The following AFG2A variants were observed in gnomAD, a reference collection of about 807,000 sequenced individuals.
AFG2A encodes AAA ATPase AFG2A.
chr4:123,076,691 AT>A, the AFG2A span, among the ~76,000 whole-genome samples: 1 of 151,672 alleles, frequency 6.6e-6, no homozygotes, highest in African/African-American at 2.4e-5. Context: ...TGGGTTAGGG[AT>A]TTTTTTCCCC....
chr4:123,116,277 A>G, the AFG2A span, among the ~76,000 whole-genome samples: 1 of 152,232 alleles, frequency 6.6e-6, no homozygotes, highest in East Asian at 1.9e-4. Flanking sequence ...AACAACAGAA[A>G]GCCTCAAAAG....
chr4:122,962,782 C>T, the AFG2A span, among the ~76,000 whole-genome samples: 1 of 152,150 alleles, frequency 6.6e-6, no homozygotes, highest in African/African-American at 2.4e-5. Flanking sequence ...CCTGTCAGCT[C>T]TGTTTTCATA....
the AFG2A span, among the ~76,000 whole-genome samples, chr4:123,149,568 A>G: frequency 6.6e-6 from 1 of 152,224 alleles, no homozygotes; most frequent in Non-Finnish European, 1.5e-5. Context: ...ATGCATGTAC[A>G]TCAGAATATG....
chr4:123,111,132 G>T, the AFG2A span, among the ~76,000 whole-genome samples: 1 of 152,114 alleles, frequency 6.6e-6, no homozygotes, highest in Admixed American at 6.5e-5. Flanking sequence ...TTTTGAAGTT[G>T]AAGCCATTGC....
the AFG2A span, among the ~76,000 whole-genome samples, chr4:123,138,807 A>G: frequency 1.3e-5 from 2 of 152,188 alleles, no homozygotes; most frequent in East Asian, 1.9e-4. Context: ...CATACTTTAT[A>G]CTATTAGTGA....
chr4:123,181,596 C>A, the AFG2A span, among the ~76,000 whole-genome samples: 1 of 151,918 alleles, frequency 6.6e-6, no homozygotes, highest in East Asian at 1.9e-4. Context: ...GAGAGTCAGA[C>A]CCTGTCTCAA....
chr4:123,242,562 C>A, the AFG2A span, among the ~76,000 whole-genome samples: 85,027 of 152,042 alleles, frequency 0.56, 26,260 homozygotes, highest in Non-Finnish European at 0.67. Context: ...AAAGCTGAAA[C>A]TGGATCCCTT....
chr4:123,104,559 GC>G, the AFG2A span, among the ~76,000 whole-genome samples: 1 of 152,186 alleles, frequency 6.6e-6, no homozygotes, highest in Non-Finnish European at 1.5e-5. Context: ...GCTGAGAGAG[GC>G]CAAAAGCTAG....
At chr4:123,161,753 A>G in the AFG2A span, among the ~76,000 whole-genome samples, 22 of 152,334 alleles carry the variant, frequency 1.4e-4, 1 homozygote, top group South Asian at 3.5e-3. Context: ...AAGAAACAGA[A>G]ACTGTAGGCC....
the AFG2A span, among the ~76,000 whole-genome samples, chr4:123,239,844 G>A: frequency 6.6e-6 from 1 of 152,184 alleles, no homozygotes; most frequent in Non-Finnish European, 1.5e-5. Flanking sequence ...AACCTTAAAT[G>A]TAAATGGGCT....
At chr4:123,268,049 T>C in the AFG2A span, among the ~76,000 whole-genome samples, 2 of 152,070 alleles carry the variant, frequency 1.3e-5, no homozygotes, top group South Asian at 4.1e-4. Flanking sequence ...ATATAATTTA[T>C]GTTTATATTA....
At chr4:123,005,166 T>C in the AFG2A span, among the ~76,000 whole-genome samples, 1 of 152,208 alleles carries the variant, frequency 6.6e-6, no homozygotes, top group Non-Finnish European at 1.5e-5. Flanking sequence ...TCTTTTTTTT[T>C]CTGAGACAGA....
At chr4:123,077,869 A>G in the AFG2A span, among the ~76,000 whole-genome samples, 2 of 152,254 alleles carry the variant, frequency 1.3e-5, no homozygotes, top group African/African-American at 4.8e-5. Context: ...TTATGCAGCC[A>G]TCACCACTAA....
At chr4:123,090,538 G>T in the AFG2A span, 1 of 1,607,458 alleles carries the variant, frequency 6.2e-7, no homozygotes, top group Non-Finnish European at 8.5e-7. Context: ...AGTATTTGAA[G>T]ATAAGTAAAG....
the AFG2A span, chr4:122,934,732 A>T: frequency 1.3e-6 from 2 of 1,565,010 alleles, no homozygotes; most frequent in South Asian, 1.2e-5. Flanking sequence ...GCTTTTCAAG[A>T]GTTATGGTAT....
At chr4:123,180,175 A>G in the AFG2A span, among the ~76,000 whole-genome samples, 2 of 152,176 alleles carry the variant, frequency 1.3e-5, no homozygotes, top group Non-Finnish European at 2.9e-5. Context: ...AGCCACGATC[A>G]TGCCACTGCA....
chr4:123,154,430 G>A, the AFG2A span, among the ~76,000 whole-genome samples: 1 of 152,132 alleles, frequency 6.6e-6, no homozygotes, highest in Non-Finnish European at 1.5e-5. Context: ...GTTTAAAGTA[G>A]CAGAGTACAG....
chr4:123,007,439 G>GT, the AFG2A span, among the ~76,000 whole-genome samples: 2 of 151,066 alleles, frequency 1.3e-5, no homozygotes, highest in African/African-American at 2.4e-5. Context: ...CACACACAGG[G>GT]TTTTCTCTTT....
the AFG2A span, among the ~76,000 whole-genome samples, chr4:123,204,699 C>G: frequency 6.6e-6 from 1 of 152,160 alleles, no homozygotes; most frequent in Non-Finnish European, 1.5e-5. Context: ...ATGCCACATG[C>G]TACAGTCATG....
Sources: gnomAD v4.1 joint callset for allele counts (sites outside exome capture counted in the v4.1 genomes callset) on GRCh38, gnomAD v4.1.1 for gene constraint, MANE v1.5 for transcripts, NCBI Gene and HGNC (gene_info 2026-07-23, HGNC 2026-07-21) for gene names.